The following LRRC31 variants were observed in gnomAD, a reference collection of about 807,000 sequenced individuals.
LRRC31 encodes the protein leucine rich repeat containing 31.
In LRRC31, 35 loss-of-function variants were observed where a neutral mutation model predicts 46.7. The observed-to-expected ratio is 0.75, with a 90% CI of 0.57 to 0.99. LRRC31 has a LOEUF of 0.99. Among genes scored for constraint, LRRC31 ranks in the 50% least tolerant of loss-of-function variants. The pLI, the probability that LRRC31 is intolerant of heterozygous loss-of-function variation, is 0.00. For missense variants in LRRC31, 613 were observed against 626.1 expected (o/e 0.98, Z 0.22); for synonymous variants, 236 against 235.1 (o/e 1.00, Z -0.03).
At chr3:169,868,784 CAG>C (rs1781406184) in intron 1 of LRRC31, among the ~76,000 whole-genome samples, 1 of 152,048 alleles carries the variant, frequency 6.6e-6, no homozygotes, top group African/African-American at 2.4e-5. Flanking sequence ...ATGATTAGCA[CAG>C]AGACTCATAG....
chr3:169,861,551 A>G lies in LRRC31; in HGVS notation c.319+119T>C, dbSNP rs1039753519. ...AAAAAAAAGCGATGCTGTTTCTGCAATTGTCTGGGACCACTCAGCAGACTT... is the reference window on the plus strand; with the variant it reads ...AAAAAAAAGCGATGCTGTTTCTGCAGTTGTCTGGGACCACTCAGCAGACTT... On this transcript the variant is annotated intron_variant, in intron 2 of 8. Coordinates refer to ENST00000316428, the MANE Select transcript of LRRC31 (RefSeq NM_024727.4). 7 of 1,023,398 alleles carry G rather than the reference A, an allele frequency of 6.8e-6. No homozygotes were observed. In the East Asian group the frequency reaches 1.3e-4, roughly 18 times the overall value. The allele number at this position is 1,023,398 out of a possible 1,614,324, so 63.4% of individuals were successfully genotyped here.
intron 6 of LRRC31, chr3:169,853,227 C>A (rs1780842681): frequency 1.6e-5 from 16 of 985,278 alleles, no homozygotes; most frequent in Non-Finnish European, 1.8e-5. Flanking sequence ...GTAGTTATTG[C>A]TTAAAGGATC....
chr3:169,867,038 GT>G (rs1324128884), intron 1 of LRRC31, among the ~76,000 whole-genome samples: 1 of 126,312 alleles, frequency 7.9e-6, no homozygotes, highest in South Asian at 2.2e-4. Context: ...TTGGCCATGG[GT>G]TTTTTTTGTT....
At position 169,840,265 on chromosome 3, in the gene LRRC31, A is replaced by G. The variant is rs754901154; in HGVS notation, c.1376T>C (p.Leu459Pro). ...ATCACAGATGCTGTCATTGTAGCTC[A>G]GGTCCAGCTTTTGCAGTTTGGCCAG... ...GHLAKLQKLD[L>P]SYNDSICDAG... The change falls in exon 9 of 9, where the codon CTG (leucine) becomes CCG (proline). Residue 459 changes from leucine to proline, a missense_variant. Coordinates refer to ENST00000316428, the MANE Select transcript of LRRC31 (RefSeq NM_024727.4). The G allele has an allele frequency of 1.2e-5, 19 of 1,613,832 alleles. No individual in the cohort carries two copies. The South Asian group carries it at 1.9e-4, about 16-fold the overall frequency.
intron 3 of LRRC31, among the ~76,000 whole-genome samples, chr3:169,858,987 C>A (rs1392316421): frequency 4.1e-5 from 3 of 72,494 alleles, no homozygotes; most frequent in African/African-American, 1.1e-4. Context: ...GCCTGGGTGA[C>A]AAGAATGAAA....
chr3:169,859,162 G>A (rs910928889), intron 3 of LRRC31, among the ~76,000 whole-genome samples: 2 of 150,878 alleles, frequency 1.3e-5, no homozygotes, highest in African/African-American at 4.9e-5. Flanking sequence ...GGGCATGGTG[G>A]TGCACTCCTG....
intron 8 of LRRC31, 65 bp downstream of exon 8, chr3:169,848,055 G>A: frequency 6.6e-7 from 1 of 1,510,930 alleles, no homozygotes; most frequent in Non-Finnish European, 9.0e-7. Flanking sequence ...CCCACCTGGT[G>A]CTTTGCAGGG....
intron 8 of LRRC31, among the ~76,000 whole-genome samples, chr3:169,842,610 C>G (rs957893430): frequency 6.6e-6 from 1 of 152,160 alleles, no homozygotes; most frequent in Non-Finnish European, 1.5e-5. Context: ...CTTGTCCTCT[C>G]AAAGTGCTGG....
chr3:169,857,318 C>CTATATATATATATATATATATATA (rs34162537), intron 3 of LRRC31, among the ~76,000 whole-genome samples: 3 of 66,450 alleles, frequency 4.5e-5, no homozygotes, highest in Non-Finnish European at 5.9e-5. Flanking sequence ...TATCACATGC[C>CTATATATATATATATATATATATA]TATATATATA....
In LRRC31 at chr3:169,840,184, A is replaced by G; in HGVS notation, c.1457T>C (p.Leu486Pro). 1 of 1,614,180 alleles carries G rather than the reference A, an allele frequency of 6.2e-7. No homozygotes were observed. The change falls in exon 9 of 9, where the codon CTG becomes CCG. Residue 486 changes from leucine to proline, a missense_variant. Leu to Pro is a moderately conservative substitution (Grantham distance 98). Coordinates refer to ENST00000316428, the MANE Select transcript of LRRC31 (RefSeq NM_024727.4). ...NVRFLKELIE[L>P]DISLRPSNFR... ...ATTTGATGGTCGAAGGCTAATATCC[A>G]GCTCGATTAGCTCTTTGAGGAACCG...
At chr3:169,861,578 G>C in intron 2 of LRRC31, 92 bp downstream of exon 2, 3 of 1,336,250 alleles carry the variant, frequency 2.2e-6, no homozygotes, top group Non-Finnish European at 3.1e-6. Context: ...AGCAGACTTG[G>C]GGTTACTAGG....
At chr3:169,859,355 C>A (rs547473348) in intron 3 of LRRC31, among the ~76,000 whole-genome samples, 9 of 151,622 alleles carry the variant, frequency 5.9e-5, no homozygotes, top group African/African-American at 1.5e-4. Flanking sequence ...ATCTGGCCAA[C>A]CTGAGATGTG....
chr3:169,863,260 AT>A (rs1781230230), intron 1 of LRRC31, among the ~76,000 whole-genome samples: 1 of 152,194 alleles, frequency 6.6e-6, no homozygotes, highest in Non-Finnish European at 1.5e-5. Flanking sequence ...ACTGACAGTG[AT>A]TTTAAAGTGA....
intron 8 of LRRC31, among the ~76,000 whole-genome samples, chr3:169,844,139 G>T (rs1780530691): frequency 6.6e-6 from 1 of 152,078 alleles, no homozygotes; most frequent in Non-Finnish European, 1.5e-5. Flanking sequence ...AACAAAGCCA[G>T]ACAAAGACAT....
At chr3:169,856,238 T>G in intron 5 of LRRC31, 98 bp downstream of exon 5, 1 of 595,244 alleles carries the variant, frequency 1.7e-6, no homozygotes, top group Non-Finnish European at 2.3e-6. Context: ...ACTGTTTATA[T>G]TTTGCTATAT....
Position 169,851,773 on chromosome 3 carries a change from A to C in LRRC31, c.1005T>G (p.Pro335=). ...DDVMSLTQVI[P]LLSNLQELDL... is the part of the protein sequence containing the mutation. The stretch of plus-strand genomic sequence containing the variant: ...CCAATTCTTGAAGATTTGAAAGTAA[A>C]GGAATGACCTGGGCTGTTAAAAATA... Residue 335 remains proline (P), a synonymous_variant, in exon 7 of 9, where the codon CCT becomes CCG. Coordinates refer to ENST00000316428, the MANE Select transcript of LRRC31 (RefSeq NM_024727.4). 6.2e-7 allele frequency: 1 copy of C among 1,614,166 alleles called. No individual in the cohort carries two copies. Among genetic ancestry groups the C allele is most frequent in the Non-Finnish European group, 8.5e-7 (1 of 1,180,006 alleles).
chr3:169,858,052 C>T (rs1333695524), intron 3 of LRRC31, among the ~76,000 whole-genome samples: 2 of 152,106 alleles, frequency 1.3e-5, no homozygotes, highest in Non-Finnish European at 2.9e-5. Context: ...CCACTCGGTA[C>T]TAAACTATTA....
chr3:169,845,544 TA>T (rs1576782291), intron 8 of LRRC31, among the ~76,000 whole-genome samples: 2 of 152,322 alleles, frequency 1.3e-5, no homozygotes, highest in East Asian at 3.9e-4. Flanking sequence ...AGACCAGAAG[TA>T]GGCCATCACA....
chr3:169,857,758 GA>G (rs1176793323), intron 3 of LRRC31, among the ~76,000 whole-genome samples: 1 of 152,064 alleles, frequency 6.6e-6, no homozygotes, highest in African/African-American at 2.4e-5. Flanking sequence ...CCTGTATCTA[GA>G]ACCCTCTTTA....
Sources: allele counts gnomAD v4.1 joint callset (sites outside exome capture counted in the v4.1 genomes callset), GRCh38; gene constraint gnomAD v4.1.1; transcripts MANE v1.5; gene names NCBI Gene and HGNC (gene_info 2026-07-23, HGNC 2026-07-21).